ADGRV1: variants seen among roughly 807,000 people sequenced by gnomAD.
ADGRV1 encodes adhesion G protein-coupled receptor V1.
ADGRV1 carries 359 observed loss-of-function variants against 596.2 expected under a neutral mutation model. That is an observed-to-expected ratio of 0.60 (90% CI 0.55 to 0.66). The LOEUF is 0.66. Among genes scored for constraint, ADGRV1 ranks in the 30% least tolerant of loss-of-function variants. The pLI, the probability that ADGRV1 is intolerant of heterozygous loss-of-function variation, is 0.00. For synonymous variants in ADGRV1, 2,681 were observed against 2,679.2 expected, an observed-to-expected ratio of 1.00 and a Z score of -0.02; for missense variants, 7,274 against 7,575.6, an observed-to-expected ratio of 0.96 and a Z score of 1.48.
intron 34 of ADGRV1, among the ~76,000 whole-genome samples, chr5:90,699,119 ACT>A (rs1322442570): frequency 6.6e-6 from 1 of 151,272 alleles, no homozygotes; most frequent in Non-Finnish European, 1.5e-5. Flanking sequence ...AGGATTGGAA[ACT>A]CTTTTAACAA....
chr5:90,867,687 T>A (rs1432107746), intron 83 of ADGRV1, among the ~76,000 whole-genome samples: 3 of 152,172 alleles, frequency 2.0e-5, no homozygotes, highest in Admixed American at 1.3e-4. Flanking sequence ...CAGCTTGCGC[T>A]GCTTTGTTGA....
intron 84 of ADGRV1, among the ~76,000 whole-genome samples, chr5:90,975,926 C>A (rs887713168): frequency 2.6e-5 from 4 of 151,918 alleles, no homozygotes; most frequent in Admixed American, 6.6e-5. Context: ...TAAAATCTTG[C>A]AGTATCTTTA....
intron 87 of ADGRV1, among the ~76,000 whole-genome samples, chr5:91,111,815 G>GA (rs1000970150): frequency 2.5e-4 from 37 of 150,818 alleles, no homozygotes; most frequent in Admixed American, 9.3e-4. Context: ...CAAATTCAGT[G>GA]AAAAAAAAAT....
intron 1 of ADGRV1, among the ~76,000 whole-genome samples, chr5:90,595,699 C>T (rs1175385800): frequency 1.3e-4 from 17 of 134,544 alleles, no homozygotes; most frequent in Non-Finnish European, 2.2e-4. Flanking sequence ...GGGCGGCTGG[C>T]CAGGCAGAGG....
chr5:90,628,577 A>T lies in ADGRV1; in HGVS notation c.1254A>T (p.Thr418=). The T allele has an allele frequency of 6.2e-7, 1 of 1,613,640 alleles. No homozygotes were observed. The highest frequency in any genetic ancestry group is 8.5e-7 in the Non-Finnish European group (1 of 1,179,534). Residue 418 remains threonine (T), a synonymous_variant, in exon 8 of 90, where the codon ACA becomes ACT. Transcript: ENST00000405460. The part of the protein sequence containing the change: ...EDRISRYEEI[T]VVRNGGTHGN... The stretch of plus-strand genomic sequence containing the variant: ...AACATTTAAGATATGAAGAAATCAC[A>T]GTGGTTAGAAATGGAGGAACCCATG...
intron 83 of ADGRV1, among the ~76,000 whole-genome samples, chr5:90,962,695 C>A (rs1489311615): frequency 6.6e-6 from 1 of 152,192 alleles, no homozygotes; most frequent in Non-Finnish European, 1.5e-5. Context: ...GCTCAGCCTC[C>A]TCTTGCTGAC....
intron 8 of ADGRV1, 122 bp from the exon 9 acceptor site, chr5:90,629,088 G>A: frequency 1.6e-6 from 1 of 616,058 alleles, no homozygotes; most frequent in Non-Finnish European, 2.5e-6. Flanking sequence ...TGTATAAGAA[G>A]TCATCATTTT....
At chr5:91,129,909 AC>A (rs893300488) in intron 87 of ADGRV1, among the ~76,000 whole-genome samples, 1 of 152,246 alleles carries the variant, frequency 6.6e-6, no homozygotes, top group African/African-American at 2.4e-5. Context: ...TTCAAGAAAT[AC>A]CCTTCTTATG....
At chr5:90,628,106 C>G (rs66683260) in intron 7 of ADGRV1, among the ~76,000 whole-genome samples, 2 of 151,384 alleles carry the variant, frequency 1.3e-5, no homozygotes, top group Non-Finnish European at 2.9e-5. Flanking sequence ...TACTTTTTTC[C>G]GCCAGGCATG....
intron 31 of ADGRV1, among the ~76,000 whole-genome samples, chr5:90,691,459 A>G (rs1350453750): frequency 6.9e-6 from 1 of 145,238 alleles, no homozygotes; most frequent in South Asian, 2.2e-4. Context: ...ATCTTGGCTC[A>G]CTGCAACCTA....
chr5:90,765,172 G>C (rs1756967637), intron 59 of ADGRV1, among the ~76,000 whole-genome samples: 2 of 152,016 alleles, frequency 1.3e-5, no homozygotes, highest in African/African-American at 4.8e-5. Context: ...CCTTTCACCA[G>C]TAACTTTGAT....
Position 91,042,013 on chromosome 5 carries a change from G to A in ADGRV1, c.18153-30434G>A, listed in dbSNP as rs1427883643. 5.3e-5 allele frequency among the ~76,000 whole-genome samples: 8 copies of A among 152,260 alleles called. No individual in the cohort carries two copies. In the South Asian group the frequency reaches 1.2e-3, roughly 24 times the overall value. ...GTATTTTTGAGTGTGAAGAAATGTG[G>A]AAGTTATTTAACTGTTTTACAGATG... On this transcript the variant is annotated intron_variant, in intron 85 of 89. Transcript: ENST00000405460.
intron 89 of ADGRV1, among the ~76,000 whole-genome samples, chr5:91,160,205 C>T (rs182872534): frequency 2.2e-3 from 341 of 152,338 alleles, no homozygotes; most frequent in Middle Eastern, 6.8e-3. Context: ...GCCCAAAATA[C>T]TCAAACTTCT....
rs555741842 is a variant in ADGRV1, at chr5:90,993,568, CAG to C, written c.18152+8049_18152+8050del. The stretch of plus-strand genomic sequence containing the variant: ...TTACACATTTTTGGCTAGAATGACA[CAG>C]AGTGTTAAAGTACAAGTTTTTTCAT... On this transcript the variant is annotated intron_variant, in intron 85 of 89. Transcript: ENST00000405460. 5.9e-5 allele frequency among the ~76,000 whole-genome samples: 9 copies of C among 152,236 alleles called. No homozygotes were observed. In the South Asian group the frequency reaches 1.7e-3, roughly 28 times the overall value.
At chr5:91,151,092 G>A (rs1158509858) in intron 88 of ADGRV1, among the ~76,000 whole-genome samples, 1 of 152,148 alleles carries the variant, frequency 6.6e-6, no homozygotes, top group Non-Finnish European at 1.5e-5. Context: ...AAAATGGCAG[G>A]AAATCAAGGT....
chr5:90,819,888 T>G (rs975426959), intron 75 of ADGRV1, among the ~76,000 whole-genome samples: 1 of 152,110 alleles, frequency 6.6e-6, no homozygotes, highest in Non-Finnish European at 1.5e-5. Context: ...AAAATGTATA[T>G]TCTGTTGATT....
At chr5:91,004,536 C>G (rs1460730485) in intron 85 of ADGRV1, among the ~76,000 whole-genome samples, 1 of 151,918 alleles carries the variant, frequency 6.6e-6, no homozygotes, top group African/African-American at 2.4e-5. Context: ...ACTATTAGAC[C>G]AACTTCCTTT....
chr5:90,675,526 A>G, intron 24 of ADGRV1, 81 bp downstream of exon 24: 1 of 1,306,542 alleles, frequency 7.7e-7, no homozygotes, highest in Non-Finnish European at 1.1e-6. Context: ...TATACACTGT[A>G]CCTGGAACAT....
intron 85 of ADGRV1, among the ~76,000 whole-genome samples, chr5:90,993,988 T>C (rs1045897904): frequency 4.2e-4 from 64 of 152,132 alleles, no homozygotes; most frequent in African/African-American, 1.5e-3. Flanking sequence ...ATTTTTTTTT[T>C]TTCTTCCTGG....
Sources: allele counts gnomAD v4.1 joint callset (sites outside exome capture counted in the v4.1 genomes callset), GRCh38; gene constraint gnomAD v4.1.1; transcripts MANE v1.5; gene names NCBI Gene and HGNC (gene_info 2026-07-23, HGNC 2026-07-21).